Variants in RBFOX1 observed in about 807,000 individuals in gnomAD.
RBFOX1 encodes RNA binding protein fox-1 homolog 1.
A neutral mutation model predicts 57.7 loss-of-function variants in RBFOX1; 8 were observed. That is an observed-to-expected ratio of 0.14 (90% confidence interval 0.08 to 0.25). RBFOX1 has a LOEUF of 0.25. Ranked by LOEUF, RBFOX1 falls within the 10% of genes least tolerant of loss-of-function variation. The pLI is 1.00. For synonymous variants in RBFOX1, 326 were observed against 222.4 expected (o/e 1.47, Z -4.15); for missense variants, 611 against 548.5 (o/e 1.11, Z -1.14).
chr16:5,423,606 T>C (rs2151491738), intron 1 of RBFOX1, among the ~76,000 whole-genome samples: 1 of 152,332 alleles, frequency 6.6e-6, no homozygotes, highest in East Asian at 1.9e-4. Context: ...CATTGCTGCC[T>C]GTCTGTGAGC....
intron 1 of RBFOX1, among the ~76,000 whole-genome samples, chr16:6,224,377 T>G: frequency 6.6e-6 from 1 of 152,182 alleles, no homozygotes; most frequent in East Asian, 1.9e-4. Context: ...TTTTATTTCC[T>G]TGAGCAGTGG....
chr16:7,443,992 A>G (rs969123315), intron 4 of RBFOX1, among the ~76,000 whole-genome samples: 3 of 152,140 alleles, frequency 2.0e-5, no homozygotes, highest in South Asian at 4.2e-4. Context: ...AGAAACTTCC[A>G]CTTTGCCTAT....
Position 5,608,562 on chromosome 16 carries a change from T to G in RBFOX1, c.318+9601T>G, listed in dbSNP as rs566781054. On this transcript the variant is annotated intron_variant, in intron 3 of 19. Coordinates refer to the RBFOX1 transcript ENST00000641259. ...GTAACACAGAGTTGATAAATCAAAT[T>G]GTTATGAGGATTCAACGAGTTAATA... is the stretch of plus-strand genomic sequence containing the variant. 7.9e-5 allele frequency among the ~76,000 whole-genome samples: 12 copies of G among 152,350 alleles called. No individual in the cohort carries two copies. In the East Asian group the frequency reaches 2.1e-3, roughly 27 times the overall value.
intron 4 of RBFOX1, among the ~76,000 whole-genome samples, chr16:7,055,933 T>G (rs999157947): frequency 3.3e-5 from 5 of 152,204 alleles, no homozygotes; most frequent in Non-Finnish European, 7.3e-5. Context: ...TTGTGGAATT[T>G]GACACAGATG....
chr16:7,488,603 C>G (rs1430800001), intron 4 of RBFOX1, among the ~76,000 whole-genome samples: 1 of 152,114 alleles, frequency 6.6e-6, no homozygotes, highest in Non-Finnish European at 1.5e-5. Flanking sequence ...TCTATACGTT[C>G]ATCCGTTACA....
intron 4 of RBFOX1, among the ~76,000 whole-genome samples, chr16:7,365,839 C>T (rs1307208740): frequency 1.3e-5 from 2 of 152,180 alleles, no homozygotes; most frequent in African/African-American, 4.8e-5. Flanking sequence ...TGACTACATC[C>T]AGGGTAGCTG....
intron 3 of RBFOX1, among the ~76,000 whole-genome samples, chr16:6,855,771 T>C (rs764677172): frequency 3.3e-5 from 5 of 151,088 alleles, no homozygotes; most frequent in Admixed American, 6.6e-5. Context: ...AGTTTTATCC[T>C]CTACCTTTAG....
rs116001897 is a variant in RBFOX1, at chr16:5,739,031, A to G, written c.319-128272A>G. The stretch of plus-strand genomic sequence containing the variant: ...GGCCTTGCCTGAATCTCAAGTTTAG[A>G]AAAAACTCTTTTTTGCTGTTGTCTT... On this transcript the variant is annotated intron_variant, in intron 3 of 19. Coordinates refer to the RBFOX1 transcript ENST00000641259. Among the ~76,000 whole-genome samples the G allele has an allele frequency of 3.1e-3, 467 of 152,318 alleles. 6 individuals are homozygous for G. Among genetic ancestry groups the G allele is most frequent in the African/African-American group, 0.011 (451 of 41,564 alleles).
intron 4 of RBFOX1, among the ~76,000 whole-genome samples, chr16:7,502,265 A>G (rs1600172698): frequency 6.6e-6 from 1 of 152,368 alleles, no homozygotes; most frequent in South Asian, 2.1e-4. Context: ...ACACCTGATT[A>G]CTATGTGCGG....
At chr16:7,605,643 G>C (rs939624987) in intron 9 of RBFOX1, among the ~76,000 whole-genome samples, 1 of 152,176 alleles carries the variant, frequency 6.6e-6, no homozygotes, top group South Asian at 2.1e-4. Flanking sequence ...GCTATTCTTA[G>C]TTCGGGCAGA....
chr16:5,719,200 ATC>A (rs2051834820), intron 3 of RBFOX1, among the ~76,000 whole-genome samples: 1 of 118,460 alleles, frequency 8.4e-6, no homozygotes, highest in Non-Finnish European at 1.7e-5. Context: ...TCATATTAGA[ATC>A]TTTTTTTTTT....
chr16:7,216,792 G>T (rs1433231621), intron 4 of RBFOX1, among the ~76,000 whole-genome samples: 4 of 152,104 alleles, frequency 2.6e-5, no homozygotes, highest in African/African-American at 7.2e-5. Context: ...AATTCTTAGG[G>T]TAGCAGTTCC....
intron 3 of RBFOX1, among the ~76,000 whole-genome samples, chr16:5,697,393 A>G (rs142388914): frequency 1.3e-5 from 2 of 151,222 alleles, no homozygotes; most frequent in African/African-American, 2.4e-5. Context: ...TATGCTATCT[A>G]TAATACATAG....
chr16:6,000,639 G>A (rs1173974138), intron 4 of RBFOX1, among the ~76,000 whole-genome samples: 2 of 152,014 alleles, frequency 1.3e-5, no homozygotes, highest in African/African-American at 4.8e-5. Context: ...ATGGATAGGT[G>A]GATGGATGAA....
At chr16:6,682,470 A>G (rs1384390092) in intron 3 of RBFOX1, among the ~76,000 whole-genome samples, 2 of 152,178 alleles carry the variant, frequency 1.3e-5, no homozygotes, top group African/African-American at 2.4e-5. Flanking sequence ...AATATTAATG[A>G]CATTGAATGT....
At chr16:7,417,518 T>G (rs1199636377) in intron 4 of RBFOX1, among the ~76,000 whole-genome samples, 1 of 131,610 alleles carries the variant, frequency 7.6e-6, no homozygotes, top group Non-Finnish European at 1.6e-5. Context: ...TTCACCAGCT[T>G]CACATGGTAT....
intron 3 of RBFOX1, among the ~76,000 whole-genome samples, chr16:5,768,596 T>G (rs1300364829): frequency 6.6e-6 from 1 of 152,188 alleles, no homozygotes; most frequent in Non-Finnish European, 1.5e-5. Context: ...GTGGTAGCAT[T>G]TATTTTGGCT....
At chr16:6,774,877 AATAATTTTAGTTAAT>A (rs2079046756) in intron 3 of RBFOX1, among the ~76,000 whole-genome samples, 1 of 152,086 alleles carries the variant, frequency 6.6e-6, no homozygotes, top group Admixed American at 6.6e-5. Context: ...GGGCTTTTAA[AATAATTTTAGTTAAT>A]ATAAACTTAA....
Position 7,547,364 on chromosome 16 carries a change from G to T in RBFOX1, c.270+28975G>T, listed in dbSNP as rs555415200. 2.0e-5 allele frequency among the ~76,000 whole-genome samples: 3 copies of T among 152,270 alleles called. No homozygotes were observed. The East Asian group carries it at 5.8e-4, about 29-fold the overall frequency. On this transcript the variant is annotated intron_variant, in intron 5 of 15. Transcript: ENST00000550418. ...CAACAAGTGTATAATTGTGTCAGTT[G>T]GCACCACAGTTTCTGCAAACATAAT... is the stretch of plus-strand genomic sequence containing the variant.
Sources: gnomAD v4.1 joint callset for allele counts (sites outside exome capture counted in the v4.1 genomes callset) on GRCh38, gnomAD v4.1.1 for gene constraint, MANE v1.5 for transcripts, NCBI Gene and HGNC (gene_info 2026-07-23, HGNC 2026-07-21) for gene names.